APOOL: variants seen among roughly 807,000 people sequenced by gnomAD.
APOOL encodes apolipoprotein O like.
APOOL carries 12 observed loss-of-function variants against 23.1 expected under a neutral mutation model. The ratio of observed to expected loss-of-function variants is 0.52; its 90% CI spans 0.33 to 0.84. The LOEUF (loss-of-function observed/expected upper bound fraction) is 0.84, where lower values mean the gene tolerates loss of function less well. Among genes scored for constraint, APOOL ranks in the 40% least tolerant of loss-of-function variants. The pLI is 0.02. For missense variants in APOOL, 212 were observed against 199.6 expected (o/e 1.06, Z -0.37); for synonymous variants, 77 against 69.9 (o/e 1.10, Z -0.51).
chrX:85,092,594 C>T lies in APOOL; in HGVS notation c.*4916C>T. ...AAAACAAACAAGCAAATATTACTTT[C>T]ATTTGAAAGTATAATCTTCGTTAAC... On this transcript the variant is annotated 3_prime_UTR_variant, in exon 9 of 9. Transcript: ENST00000373173. The T allele has an allele frequency of 8.7e-7, 1 of 1,155,553 alleles. No individual in the cohort carries two copies. Among genetic ancestry groups the T allele is most frequent in the Non-Finnish European group, 1.2e-6 (1 of 851,342 alleles).
intron 1 of APOOL, among the ~76,000 whole-genome samples, chrX:85,020,666 C>G (rs1472117621): frequency 9.0e-6 from 1 of 111,527 alleles, no homozygotes; most frequent in Non-Finnish European, 1.9e-5. Context: ...TTGAGCTGAC[C>G]TCAGTGGTCT....
intron 5 of APOOL, among the ~76,000 whole-genome samples, chrX:85,059,392 C>G (rs1411336016): frequency 3.6e-5 from 4 of 109,979 alleles, no homozygotes; most frequent in Non-Finnish European, 5.7e-5. Flanking sequence ...GGTATATACC[C>G]AGTAATGGGA....
chrX:85,084,726 T>C (rs1924230726), intron 8 of APOOL, among the ~76,000 whole-genome samples: 1 of 111,351 alleles, frequency 9.0e-6, no homozygotes, highest in African/African-American at 3.3e-5. Context: ...TGAGGGGTGA[T>C]CTAAAGGCAA....
chrX:85,062,811 G>A (rs1923284677), intron 5 of APOOL, among the ~76,000 whole-genome samples: 1 of 111,537 alleles, frequency 9.0e-6, no homozygotes, highest in Admixed American at 9.6e-5. Context: ...CTCCAACTTT[G>A]TTCTTTTTTG....
rs1490607337 is a variant in APOOL, at chrX:85,067,299, C to A, written c.486+81C>A. ...GACAATATTTAAATGTTACACAGCACCTGCAACATTTAATTTTAAGAGACA... is the reference window on the plus strand; with the variant it reads ...GACAATATTTAAATGTTACACAGCAACTGCAACATTTAATTTTAAGAGACA... On this transcript the variant is annotated intron_variant, in intron 6 of 8. Transcript: ENST00000373173. The A allele has an allele frequency of 7.8e-6, 5 of 642,156 alleles. No homozygotes were observed. The African/African-American group carries it at 1.1e-4, about 14-fold the overall frequency. 52.9% of individuals were successfully genotyped at this position (642,156 alleles called of 1,213,427 possible).
In APOOL at chrX:85,054,373, A is replaced by T; in HGVS notation, c.270A>T (p.Ile90=). 1 of 1,191,004 alleles carries T rather than the reference A, an allele frequency of 8.4e-7. No individual in the cohort carries two copies. Among genetic ancestry groups the T allele is most frequent in the Non-Finnish European group, 1.1e-6 (1 of 884,691 alleles). The change falls in exon 4 of 9, where the codon ATA becomes ATT. Residue 90 remains isoleucine, a synonymous_variant. Transcript: ENST00000373173. ...TTTATGTCTTTGTGAAAAATGGGATAATGGATACAGTACAATTTGGAAAAG... is the reference window on the plus strand; with the variant it reads ...TTTATGTCTTTGTGAAAAATGGGATTATGGATACAGTACAATTTGGAAAAG... ...KGVYVFVKNG[I]MDTVQFGKDA...
chrX:85,081,894 A>G (rs1924115293), intron 8 of APOOL, among the ~76,000 whole-genome samples: 1 of 111,915 alleles, frequency 8.9e-6, no homozygotes, highest in African/African-American at 3.2e-5. Context: ...CAACTGTTGA[A>G]GCTTGTGCAT....
chrX:85,069,541 C>A (rs1053342488), intron 6 of APOOL, among the ~76,000 whole-genome samples: 2 of 92,341 alleles, frequency 2.2e-5, no homozygotes, highest in African/African-American at 8.3e-5. Context: ...ACCCAGGTGG[C>A]GGAGATTGCA....
chrX:85,031,122 A>G (rs1354978919), intron 1 of APOOL, among the ~76,000 whole-genome samples: 1 of 111,708 alleles, frequency 9.0e-6, no homozygotes, highest in Non-Finnish European at 1.9e-5. Flanking sequence ...AAAATTTCAG[A>G]GTAAGTACAT....
intron 1 of APOOL, among the ~76,000 whole-genome samples, chrX:85,024,160 AT>A (rs1295192269): frequency 2.7e-5 from 3 of 112,322 alleles, no homozygotes; most frequent in African/African-American, 9.7e-5. Flanking sequence ...GTGATTAAGC[AT>A]TTTAAACCAG....
rs1923561143 is a variant in APOOL, at chrX:85,068,733, G to A, written c.486+1515G>A. Among the ~76,000 whole-genome samples the A allele has an allele frequency of 2.7e-5, 3 of 111,211 alleles. No individual in the cohort carries two copies. In the Admixed American group the frequency reaches 2.9e-4, roughly 11 times the overall value. ...GATTCTTCTTTTTTCTAAGAGTAAT[G>A]ACATCATGGTTGCTTTTAAAAATTA... On this transcript the variant is annotated intron_variant, in intron 6 of 8. Transcript: ENST00000373173.
At chrX:85,041,453 G>T (rs946385520) in intron 1 of APOOL, among the ~76,000 whole-genome samples, 2 of 111,603 alleles carry the variant, frequency 1.8e-5, no homozygotes, top group Non-Finnish European at 3.8e-5. Flanking sequence ...GGTTGGTGTG[G>T]TTGTGTTAGG....
At chrX:85,019,122 A>T (rs1391486820) in intron 1 of APOOL, among the ~76,000 whole-genome samples, 2 of 111,794 alleles carry the variant, frequency 1.8e-5, no homozygotes, top group Admixed American at 9.5e-5. Context: ...GCATGCTGGC[A>T]TTCACACAAC....
chrX:85,008,872 C>T (rs1692422401), intron 1 of APOOL, among the ~76,000 whole-genome samples: 1 of 111,530 alleles, frequency 9.0e-6, no homozygotes, highest in African/African-American at 3.3e-5. Context: ...ATTAATTCTT[C>T]CAATTCATGA....
intron 1 of APOOL, among the ~76,000 whole-genome samples, chrX:85,016,910 G>T (rs1921493219): frequency 8.9e-6 from 1 of 112,415 alleles, no homozygotes; most frequent in Admixed American, 9.4e-5. Flanking sequence ...GTCATGAGTT[G>T]CTGTAATGGC....
chrX:85,065,587 C>T (rs1323647243), intron 5 of APOOL, among the ~76,000 whole-genome samples: 1 of 110,982 alleles, frequency 9.0e-6, no homozygotes, highest in Non-Finnish European at 1.9e-5. Flanking sequence ...ATTTGCTTGT[C>T]AGGATGCATT....
At chrX:85,063,464 A>G (rs1245099825) in intron 5 of APOOL, among the ~76,000 whole-genome samples, 5 of 111,775 alleles carry the variant, frequency 4.5e-5, no homozygotes, top group Non-Finnish European at 9.4e-5. Flanking sequence ...GAATGCTTCC[A>G]GCCTTTGCCC....
At chrX:85,056,848 A>G (rs1287239035) in intron 5 of APOOL, among the ~76,000 whole-genome samples, 4 of 112,195 alleles carry the variant, frequency 3.6e-5, no homozygotes, top group African/African-American at 1.3e-4. Context: ...AGGATACAGA[A>G]CAGTTATATC....
intron 8 of APOOL, among the ~76,000 whole-genome samples, chrX:85,082,013 C>T (rs1056487651): frequency 8.1e-5 from 9 of 111,680 alleles, no homozygotes; most frequent in Non-Finnish European, 1.5e-4. Flanking sequence ...AGGTTTTTAA[C>T]TTCCTTGCGG....
Sources: allele counts gnomAD v4.1 joint callset (sites outside exome capture counted in the v4.1 genomes callset), GRCh38; gene constraint gnomAD v4.1.1; transcripts MANE v1.5; gene names NCBI Gene and HGNC (gene_info 2026-07-23, HGNC 2026-07-21).